LIPN: variants seen among roughly 807,000 people sequenced by gnomAD.
LIPN encodes lipase member N.
A neutral mutation model predicts 43.7 loss-of-function variants in LIPN; 32 were observed. That is an observed-to-expected ratio of 0.73 (90% CI 0.55 to 0.98). The LOEUF is 0.98. LIPN is among the 50% of genes least tolerant of loss of function. LIPN has a pLI of 0.00. For missense variants in LIPN, 505 were observed against 483.8 expected (o/e 1.04, Z -0.41); for synonymous variants, 156 against 157.6 (o/e 0.99, Z 0.08).
chr10:88,766,430 A>G, intron 5 of LIPN, 52 bp downstream of exon 5: 2 of 1,019,770 alleles, frequency 2.0e-6, no homozygotes, highest in Admixed American at 3.4e-5. Flanking sequence ...CAGTTTTCTC[A>G]GAGTCTTACA....
In LIPN at chr10:88,778,480, A is replaced by C. The variant is rs1045220274; in HGVS notation, c.*238A>C. On this transcript the variant is annotated 3_prime_UTR_variant, in exon 10 of 10. Transcript: ENST00000404459. ...TAGGCAAAAAGATAAACAAGTTGCT[A>C]CTCTATCTGGCATTTAAGTCTAATT... Among the ~76,000 whole-genome samples, 2 of 152,048 alleles carry C rather than the reference A, an allele frequency of 1.3e-5. No homozygotes were observed. The highest frequency in any genetic ancestry group is 4.8e-5 in the African/African-American group (2 of 41,386).
chr10:88,769,966 CAG>C (rs955659366), intron 6 of LIPN, among the ~76,000 whole-genome samples: 2 of 151,844 alleles, frequency 1.3e-5, no homozygotes, highest in African/African-American at 2.4e-5. Context: ...AAATTAAATT[CAG>C]AGAGAGATAC....
At position 88,778,180 on chromosome 10, in the gene LIPN, G is replaced by C; in HGVS notation, c.1135G>C (p.Gly379Arg). 6.2e-7 allele frequency: 1 copy of C among 1,613,216 alleles called. No homozygotes were observed. Residue 379 changes from glycine to arginine, a missense_variant, in exon 10 of 10, where the codon GGC (glycine) becomes CGC (arginine). By Grantham distance (125) the Gly-to-Arg change is moderately radical. Coordinates refer to ENST00000404459, the MANE Select transcript of LIPN (RefSeq NM_001102469.2). ...PDWNHFDFVW[G>R]LDAPQRMYSE... ...TTGGAACCACTTTGATTTTGTCTGG[G>C]GCCTCGATGCCCCTCAACGGATGTA...
chr10:88,761,626 A>G, intron 2 of LIPN, 113 bp downstream of exon 2: 1 of 727,754 alleles, frequency 1.4e-6, no homozygotes, highest in South Asian at 1.9e-5. Flanking sequence ...TAAAATGTAG[A>G]TGGTTTTTAA....
upstream of LIPN, among the ~76,000 whole-genome samples, chr10:88,758,662 G>A (rs1217069191): frequency 6.6e-6 from 1 of 151,380 alleles, no homozygotes; most frequent in African/African-American, 2.4e-5. Context: ...TATAGGAAGA[G>A]TGATGGAGCA....
intron 4 of LIPN, among the ~76,000 whole-genome samples, chr10:88,765,035 C>T (rs1480452160): frequency 6.6e-6 from 1 of 151,912 alleles, no homozygotes; most frequent in Non-Finnish European, 1.5e-5. Flanking sequence ...AGTCATTGCT[C>T]CTGGATGGCC....
intron 2 of LIPN, 98 bp downstream of exon 2, chr10:88,761,611 A>G: frequency 1.3e-6 from 1 of 791,956 alleles, no homozygotes; most frequent in South Asian, 1.7e-5. Context: ...CTCTGATAAA[A>G]CAGATAAAAT....
At chr10:88,768,426 G>A (rs115178626) in intron 5 of LIPN, among the ~76,000 whole-genome samples, 3,776 of 151,960 alleles carry the variant, frequency 0.025, 84 homozygotes, top group African/African-American at 0.065. Flanking sequence ...TGGAAACTCT[G>A]TGATTCATTC....
intron 5 of LIPN, among the ~76,000 whole-genome samples, chr10:88,768,214 G>A (rs1473678333): frequency 6.6e-6 from 1 of 151,804 alleles, no homozygotes; most frequent in Admixed American, 6.6e-5. Context: ...GAGATGCCTG[G>A]TCCTTACTGG....
At position 88,770,918 on chromosome 10, in the gene LIPN, A is replaced by G. The variant is rs1458170906; in HGVS notation, c.746A>G (p.Asn249Ser). Residue 249 changes from asparagine (N) to serine (S), a missense_variant, in exon 7 of 10, where the codon AAT becomes AGT. Physicochemically the swap from Asn to Ser is conservative, Grantham distance 46. Coordinates refer to ENST00000404459, the MANE Select transcript of LIPN (RefSeq NM_001102469.2). ...TKIASTKICN[N>S]KILWLICSEF... ...ATAGCTTCTACCAAAATCTGCAACAATAAGATACTCTGGTTGATATGTAGC... is the reference window on the plus strand; with the variant it reads ...ATAGCTTCTACCAAAATCTGCAACAGTAAGATACTCTGGTTGATATGTAGC... The G allele has an allele frequency of 6.4e-7, 1 of 1,553,922 alleles. No individual in the cohort carries two copies. The highest frequency in any genetic ancestry group is 1.9e-5 in the Admixed American group (1 of 51,774).
rs535515160 is a variant in LIPN, at chr10:88,775,277, T to G, written c.963+114T>G. ...TTGGTGGCATTTATACTGATAGAAC[T>G]TTTTTTTAAAAAAATTTTAATTTTA... On this transcript the variant is annotated intron_variant, in intron 9 of 9. Transcript: ENST00000404459. 8.3e-5 allele frequency: 43 copies of G among 519,972 alleles called. 1 individual carries two copies. In the South Asian group the frequency reaches 1.8e-3, roughly 22 times the overall value. The allele number at this position is 519,972 out of a possible 1,614,324, so 32.2% of individuals were successfully genotyped here. A position where few individuals can be genotyped will look rare whatever the true frequency, so the allele number is the denominator to read the frequency against.
At chr10:88,759,851 G>A, upstream of LIPN, among the ~76,000 whole-genome samples, 1 of 152,074 alleles carries the variant, frequency 6.6e-6, no homozygotes, top group East Asian at 1.9e-4. Flanking sequence ...CGTCAAACTG[G>A]TTATTTTGCA....
Position 88,770,836 on chromosome 10 carries a change from CT to C in LIPN, c.673-6del. ...CTCATTCAAAGATAATTATTATTTA[CT>C]TTCATAGGCTGTTTTTGGTACCAAA... is the stretch of plus-strand genomic sequence containing the variant. On this transcript the variant is annotated splice_polypyrimidine_tract_variant and splice_region_variant and intron_variant, in intron 6 of 9. Coordinates refer to ENST00000404459, the MANE Select transcript of LIPN (RefSeq NM_001102469.2). 1 of 1,450,512 alleles carries C rather than the reference CT, an allele frequency of 6.9e-7. No homozygotes were observed. The highest frequency in any genetic ancestry group is 9.4e-7 in the Non-Finnish European group (1 of 1,068,832). 89.9% of individuals were successfully genotyped at this position (1,450,512 alleles called of 1,614,324 possible). A position where few individuals can be genotyped will look rare whatever the true frequency, so the allele number is the denominator to read the frequency against.
upstream of LIPN, among the ~76,000 whole-genome samples, chr10:88,757,252 C>A (rs938032095): frequency 1.4e-4 from 22 of 152,060 alleles, no homozygotes; most frequent in African/African-American, 4.8e-4. Flanking sequence ...GAAGGTAGAT[C>A]CGCCTGGGGC....
intron 5 of LIPN, among the ~76,000 whole-genome samples, chr10:88,766,584 T>C (rs1201429319): frequency 6.6e-6 from 1 of 151,908 alleles, no homozygotes; most frequent in African/African-American, 2.4e-5. Flanking sequence ...CTTTCCTGGG[T>C]CTCTGGTCAC....
At position 88,766,262 on chromosome 10, in the gene LIPN, T is replaced by C; in HGVS notation, c.426-7T>C. The C allele has an allele frequency of 7.2e-7, 1 of 1,394,810 alleles. No homozygotes were observed. Among genetic ancestry groups the C allele is most frequent in the East Asian group, 2.3e-5 (1 of 43,714 alleles). 86.4% of individuals were successfully genotyped at this position (1,394,810 alleles called of 1,614,324 possible). ...GTATTTATAAAAGCCCCTGTTTTAT[T>C]TTGCAGTTTTGATGAAATGGCCAAA... On this transcript the variant is annotated splice_region_variant and splice_polypyrimidine_tract_variant and intron_variant, in intron 4 of 9. Transcript: ENST00000404459.
intron 7 of LIPN, 50 bp from the exon 8 acceptor site, chr10:88,774,423 G>A (rs1843260895): frequency 1.5e-6 from 2 of 1,325,070 alleles, no homozygotes; most frequent in Non-Finnish European, 2.2e-6. Flanking sequence ...GATTCTGAAA[G>A]GCAAAATTTT....
intron 5 of LIPN, 75 bp from the exon 6 acceptor site, chr10:88,768,717 C>G: frequency 7.7e-7 from 1 of 1,298,174 alleles, no homozygotes; most frequent in Non-Finnish European, 1.1e-6. Context: ...AATGACTAAG[C>G]AGAGCCCCAA....
chr10:88,778,930 G>A lies in LIPN; in HGVS notation c.*688G>A, dbSNP rs1843341780. Among the ~76,000 whole-genome samples, 1 of 152,098 alleles carries A rather than the reference G, an allele frequency of 6.6e-6. No homozygotes were observed. The highest frequency in any genetic ancestry group is 1.5e-5 in the Non-Finnish European group (1 of 68,012). On this transcript the variant is annotated 3_prime_UTR_variant, in exon 10 of 10. Coordinates refer to ENST00000404459, the MANE Select transcript of LIPN (RefSeq NM_001102469.2). ...TTTATAATCATAGGGAGGCTTCTTT[G>A]TTTAGCATGTAATGCCCCCTTTACA...
Sources: allele counts gnomAD v4.1 joint callset (sites outside exome capture counted in the v4.1 genomes callset), GRCh38; gene constraint gnomAD v4.1.1; transcripts MANE v1.5; gene names NCBI Gene and HGNC (gene_info 2026-07-23, HGNC 2026-07-21).